CNTN4: variants seen among roughly 807,000 people sequenced by gnomAD.
CNTN4 encodes contactin 4, also known as contactin-4.
CNTN4 carries 77 observed loss-of-function variants against 122.5 expected under a neutral mutation model. The ratio of observed to expected loss-of-function variants is 0.63; its 90% CI spans 0.52 to 0.76. The LOEUF is 0.76. Ranked by LOEUF, CNTN4 falls within the 30% of genes least tolerant of loss-of-function variation. The probability of loss-of-function intolerance (pLI) is 0.00; values close to 1 mark genes in which losing one functional copy is unlikely to be tolerated. For synonymous variants in CNTN4, 512 were observed against 447.0 expected, an observed-to-expected ratio of 1.15 and a Z score of -1.83; for missense variants, 1,256 against 1,259.1, an observed-to-expected ratio of 1.00 and a Z score of 0.04.
At chr3:2,132,153 A>C (rs539442924) in intron 2 of CNTN4, among the ~76,000 whole-genome samples, 1 of 152,268 alleles carries the variant, frequency 6.6e-6, no homozygotes, top group South Asian at 2.1e-4. Context: ...GCTGTGAGGA[A>C]GTCCAAGCTA....
intron 4 of CNTN4, among the ~76,000 whole-genome samples, chr3:2,584,295 A>G (rs2080078840): frequency 6.6e-6 from 1 of 152,106 alleles, no homozygotes; most frequent in African/African-American, 2.4e-5. Flanking sequence ...AGGGAAAGAG[A>G]GAATGCCATG....
intron 2 of CNTN4, among the ~76,000 whole-genome samples, chr3:2,215,881 C>G (rs1363006270): frequency 6.5e-5 from 1 of 15,352 alleles, no homozygotes; most frequent in Non-Finnish European, 1.3e-4. Flanking sequence ...GAGCCTCTGT[C>G]TCAAAAAAAA....
chr3:2,536,282 G>T (rs938017291), intron 3 of CNTN4, among the ~76,000 whole-genome samples: 1 of 152,128 alleles, frequency 6.6e-6, no homozygotes, highest in Non-Finnish European at 1.5e-5. Context: ...TTACTCAAAT[G>T]CATTCTTTCG....
intron 2 of CNTN4, among the ~76,000 whole-genome samples, chr3:2,192,824 A>T (rs77806721): frequency 0.011 from 1,634 of 151,196 alleles, 27 homozygotes; most frequent in African/African-American, 0.038. Context: ...CCCACTATTT[A>T]AAAAAAATAA....
chr3:2,564,668 T>A (rs568151505), intron 3 of CNTN4, among the ~76,000 whole-genome samples: 1 of 152,246 alleles, frequency 6.6e-6, no homozygotes, highest in Admixed American at 6.5e-5. Context: ...TTCTGAATCT[T>A]ATCCCAGTGA....
At chr3:2,603,463 C>T (rs1559293320) in intron 4 of CNTN4, among the ~76,000 whole-genome samples, 1 of 151,968 alleles carries the variant, frequency 6.6e-6, no homozygotes, top group East Asian at 1.9e-4. Context: ...AAACAAAATC[C>T]TACAGAAAAT....
chr3:2,714,907 C>A lies in CNTN4; in HGVS notation c.56-21308C>A, dbSNP rs374902667. Among the ~76,000 whole-genome samples the A allele has an allele frequency of 1.8e-4, 28 of 152,124 alleles. No individual in the cohort carries two copies. The South Asian group carries it at 5.8e-3, about 32-fold the overall frequency. Reference sequence around the variant, plus strand: ...ATGAGGCACCACGCTGGGCCCAGTTCGAGAGTATTCATAACATTGGTTGGG... The same window carrying A: ...ATGAGGCACCACGCTGGGCCCAGTTAGAGAGTATTCATAACATTGGTTGGG... On this transcript the variant is annotated intron_variant, in intron 4 of 24. Coordinates refer to ENST00000418658, the MANE Select transcript of CNTN4 (RefSeq NM_175607.3).
At chr3:2,773,729 G>A (rs567686002) in intron 6 of CNTN4, among the ~76,000 whole-genome samples, 1 of 145,982 alleles carries the variant, frequency 6.9e-6, no homozygotes, top group African/African-American at 2.5e-5. Flanking sequence ...CTGGCACTGA[G>A]TAATAATGAA....
chr3:3,056,085 G>T, intron 24 of CNTN4, 35 bp from the exon 25 acceptor site: 1 of 1,548,970 alleles, frequency 6.5e-7, no homozygotes, highest in Non-Finnish European at 8.9e-7. Context: ...AGCCGGGATG[G>T]GGCTGTTTTG....
At chr3:2,711,419 T>C (rs986573122) in intron 4 of CNTN4, among the ~76,000 whole-genome samples, 2 of 152,194 alleles carry the variant, frequency 1.3e-5, no homozygotes, top group Admixed American at 1.3e-4. Flanking sequence ...ATTTAAAATA[T>C]ATGAAAGCAG....
intron 2 of CNTN4, among the ~76,000 whole-genome samples, chr3:2,280,210 T>TCAGCCTCC (rs1383077248): frequency 6.6e-6 from 1 of 152,174 alleles, no homozygotes; most frequent in African/African-American, 2.4e-5. Flanking sequence ...TTCACCTGCC[T>TCAGCCTCC]CAGCCTCCCA....
intron 2 of CNTN4, among the ~76,000 whole-genome samples, chr3:2,116,710 T>C (rs2033378457): frequency 6.6e-6 from 1 of 152,158 alleles, no homozygotes; most frequent in Non-Finnish European, 1.5e-5. Context: ...TTATGTGCAT[T>C]GTGAAATGCA....
At chr3:2,665,694 A>G (rs2084118199) in intron 4 of CNTN4, among the ~76,000 whole-genome samples, 1 of 152,168 alleles carries the variant, frequency 6.6e-6, no homozygotes, top group South Asian at 2.1e-4. Flanking sequence ...CTCAGGAGAG[A>G]ATATAAGGGT....
intron 2 of CNTN4, among the ~76,000 whole-genome samples, chr3:2,119,489 A>G (rs554511733): frequency 7.2e-5 from 11 of 152,360 alleles, no homozygotes; most frequent in Admixed American, 4.6e-4. Context: ...GTGATGGATC[A>G]TACCAAATAC....
chr3:2,164,867 A>T (rs1269933986), intron 2 of CNTN4, among the ~76,000 whole-genome samples: 1 of 152,204 alleles, frequency 6.6e-6, no homozygotes, highest in African/African-American at 2.4e-5. Flanking sequence ...AAAAAACAAA[A>T]CAAAACAAAA....
intron 4 of CNTN4, among the ~76,000 whole-genome samples, chr3:2,734,402 T>A (rs2088927327): frequency 6.6e-6 from 1 of 152,168 alleles, no homozygotes. Flanking sequence ...ACTGGCCTAG[T>A]CTAATCTTAT....
intron 3 of CNTN4, among the ~76,000 whole-genome samples, chr3:2,455,066 T>C (rs1422732445): frequency 6.6e-6 from 1 of 152,042 alleles, no homozygotes; most frequent in African/African-American, 2.4e-5. Flanking sequence ...CCAGTAAATA[T>C]GGTGTGGAAG....
At chr3:2,275,600 C>G (rs983620786) in intron 2 of CNTN4, among the ~76,000 whole-genome samples, 1 of 151,978 alleles carries the variant, frequency 6.6e-6, no homozygotes, top group Non-Finnish European at 1.5e-5. Context: ...ATTACATGTT[C>G]TTTCATGTGT....
chr3:2,571,998 C>T (rs957491442), intron 4 of CNTN4, among the ~76,000 whole-genome samples: 2 of 152,154 alleles, frequency 1.3e-5, no homozygotes, highest in Non-Finnish European at 2.9e-5. Flanking sequence ...CTCTCTTTTT[C>T]ATTTCAATGT....
Sources: allele counts gnomAD v4.1 joint callset (sites outside exome capture counted in the v4.1 genomes callset), GRCh38; gene constraint gnomAD v4.1.1; transcripts MANE v1.5; gene names NCBI Gene and HGNC (gene_info 2026-07-23, HGNC 2026-07-21).